The following MYO9A variants were observed in gnomAD, a reference collection of about 807,000 sequenced individuals.
MYO9A encodes the protein unconventional myosin-IXa.
A neutral mutation model predicts 293.3 loss-of-function variants in MYO9A; 103 were observed. The observed-to-expected ratio is 0.35, with a 90% CI of 0.30 to 0.41. The LOEUF (loss-of-function observed/expected upper bound fraction) is 0.41. MYO9A is among the 10% of genes least tolerant of loss of function. The probability of loss-of-function intolerance (pLI) is 1.00; values close to 1 mark genes in which losing one functional copy is unlikely to be tolerated. For synonymous variants in MYO9A, 1,001 were observed against 1,035.7 expected (o/e 0.97, Z 0.64); for missense variants, 2,685 against 3,033.0 (o/e 0.89, Z 2.69).
intron 29 of MYO9A, 56 bp downstream of exon 29, chr15:71,880,279 A>G: frequency 7.1e-7 from 1 of 1,411,460 alleles, no homozygotes. Flanking sequence ...CCTGATATAC[A>G]CAAGTATTCC....
chr15:72,068,569 C>G (rs936077682), intron 1 of MYO9A, among the ~76,000 whole-genome samples: 4 of 151,834 alleles, frequency 2.6e-5, no homozygotes, highest in Non-Finnish European at 5.9e-5. Context: ...TGGCTCAAGC[C>G]ATCCTCCCAC....
In MYO9A at chr15:71,898,550, G is replaced by A. The variant is rs1201841255; in HGVS notation, c.3953C>T (p.Pro1318Leu). 1.2e-6 allele frequency: 2 copies of A among 1,613,838 alleles called. No individual in the cohort carries two copies. The highest frequency in any genetic ancestry group is 2.7e-5 in the African/African-American group (2 of 74,896). Residue 1318 changes from proline (P) to leucine (L), a missense_variant, in exon 25 of 42, where the codon CCA (proline) becomes CTA (leucine). Coordinates refer to ENST00000356056, the MANE Select transcript of MYO9A (RefSeq NM_006901.4). ...GCTCTCACTATCAGGTGTACCCCGTGGAGACTGAAGGCCTTCAGGCACCAA... is the reference window on the plus strand; with the variant it reads ...GCTCTCACTATCAGGTGTACCCCGTAGAGACTGAAGGCCTTCAGGCACCAA... ...TELVPEGLQS[P>L]RGTPDSESSQ...
At chr15:71,833,908 A>T (rs1368212621) in intron 39 of MYO9A, among the ~76,000 whole-genome samples, 1 of 151,896 alleles carries the variant, frequency 6.6e-6, no homozygotes, top group Non-Finnish European at 1.5e-5. Flanking sequence ...CATACATTAG[A>T]AAAGAATTAA....
intron 9 of MYO9A, among the ~76,000 whole-genome samples, 175 bp from the exon 10 acceptor site, chr15:71,994,760 T>C (rs1354980140): frequency 6.6e-6 from 1 of 152,244 alleles, no homozygotes; most frequent in African/African-American, 2.4e-5. Flanking sequence ...TTTTGAGAGT[T>C]TGGCTCTCAT....
At chr15:71,866,621 G>A (rs955381195) in intron 32 of MYO9A, among the ~76,000 whole-genome samples, 1 of 151,860 alleles carries the variant, frequency 6.6e-6, no homozygotes, top group African/African-American at 2.4e-5. Flanking sequence ...AAATAATAAA[G>A]ATGTCAGTTC....
At chr15:71,901,648 C>A (rs2057487891) in intron 22 of MYO9A, among the ~76,000 whole-genome samples, 1 of 149,966 alleles carries the variant, frequency 6.7e-6, no homozygotes, top group Non-Finnish European at 1.5e-5. Flanking sequence ...AATAGAGAGA[C>A]CTGGTCTCCA....
chr15:71,942,486 T>C (rs2058803886), intron 15 of MYO9A, among the ~76,000 whole-genome samples: 1 of 152,082 alleles, frequency 6.6e-6, no homozygotes, highest in South Asian at 2.1e-4. Flanking sequence ...CTGCTATAAT[T>C]GATACATCTG....
chr15:71,951,187 C>A (rs2059042221), intron 15 of MYO9A, among the ~76,000 whole-genome samples: 1 of 152,282 alleles, frequency 6.6e-6, no homozygotes, highest in South Asian at 2.1e-4. Flanking sequence ...GCACTGCAAT[C>A]AAACTAAGTG....
intron 14 of MYO9A, among the ~76,000 whole-genome samples, chr15:71,952,195 T>C (rs1313636920): frequency 6.6e-6 from 1 of 152,124 alleles, no homozygotes; most frequent in African/African-American, 2.4e-5. Context: ...CAAAAGCAAT[T>C]TGTATGATTT....
Position 71,968,075 on chromosome 15 carries a change from T to C in MYO9A, c.1895A>G (p.His632Arg), listed in dbSNP as rs552840125. Residue 632 changes from histidine to arginine, a missense_variant, in exon 13 of 42, where the codon CAT becomes CGT. His to Arg is a conservative substitution (Grantham distance 29, BLOSUM62 0). Transcript: ENST00000356056. ...QTLLDKFKHQ[H>R]EDNSYIEFPA... The stretch of plus-strand genomic sequence containing the variant: ...AAATTCGATGTAAGAATTATCTTCA[T>C]GTTGATGCTTAAACTTGTCTAGCAA... 11 of 1,611,976 alleles carry C rather than the reference T, an allele frequency of 6.8e-6. No individual in the cohort carries two copies. The highest frequency in any genetic ancestry group is 1.7e-5 in the Admixed American group (1 of 59,910).
chr15:72,067,768 T>C (rs2079064969), intron 1 of MYO9A, among the ~76,000 whole-genome samples: 2 of 152,204 alleles, frequency 1.3e-5, no homozygotes, highest in African/African-American at 4.8e-5. Context: ...ATTTTCTTGA[T>C]AAAACAGTGT....
chr15:72,019,201 T>C lies in MYO9A; in HGVS notation c.1099-106A>G. On this transcript the variant is annotated intron_variant, in intron 5 of 41. Coordinates refer to ENST00000356056, the MANE Select transcript of MYO9A (RefSeq NM_006901.4). ...AGTACTGCTGCTCTCCATTGAAAAGTTATTTTGCATAGCAGCATAAAACAA... is the reference window on the plus strand; with the variant it reads ...AGTACTGCTGCTCTCCATTGAAAAGCTATTTTGCATAGCAGCATAAAACAA... The C allele has an allele frequency of 3.4e-6, 3 of 887,980 alleles. No individual in the cohort carries two copies. In the South Asian group the frequency reaches 4.2e-5, roughly 12 times the overall value. 55.0% of individuals were successfully genotyped at this position (887,980 alleles called of 1,614,324 possible). A position where few individuals can be genotyped will look rare whatever the true frequency, so the allele number is the denominator to read the frequency against.
intron 1 of MYO9A, among the ~76,000 whole-genome samples, chr15:72,092,238 T>C (rs1389739898): frequency 1.3e-5 from 2 of 152,124 alleles, no homozygotes; most frequent in Non-Finnish European, 2.9e-5. Flanking sequence ...CCCTATACCA[T>C]ATGGCTGGAA....
chr15:72,079,080 T>C (rs1046315609), intron 1 of MYO9A, among the ~76,000 whole-genome samples: 3 of 152,208 alleles, frequency 2.0e-5, no homozygotes, highest in Non-Finnish European at 4.4e-5. Flanking sequence ...CCACAGGATG[T>C]AGGACACAGA....
At chr15:71,987,059 A>G (rs925482730) in intron 11 of MYO9A, among the ~76,000 whole-genome samples, 1 of 152,172 alleles carries the variant, frequency 6.6e-6, no homozygotes, top group African/African-American at 2.4e-5. Context: ...ACATTTAGAT[A>G]CACAAATACT....
At chr15:72,011,015 T>A (rs2077156786) in intron 6 of MYO9A, among the ~76,000 whole-genome samples, 1 of 141,658 alleles carries the variant, frequency 7.1e-6, no homozygotes, top group African/African-American at 2.5e-5. Flanking sequence ...AGATATGTTA[T>A]TTTTTTTTTT....
In MYO9A at chr15:72,018,383, G is replaced by A. The variant is rs535624672; in HGVS notation, c.1155+656C>T. On this transcript the variant is annotated intron_variant, in intron 6 of 41. Transcript: ENST00000356056. ...CTTGGGAGGCTGAGGCATGAGAATC[G>A]CTAGAACCCAGGAGATGGAGGTTGC... Among the ~76,000 whole-genome samples, 130 of 152,186 alleles carry A rather than the reference G, an allele frequency of 8.5e-4. 1 individual carries two copies. The highest frequency in any genetic ancestry group is 1.9e-4 in the East Asian group (1 of 5,184).
chr15:71,947,868 C>T (rs2058957382), intron 15 of MYO9A, among the ~76,000 whole-genome samples: 1 of 152,160 alleles, frequency 6.6e-6, no homozygotes, highest in African/African-American at 2.4e-5. Flanking sequence ...CTTTTCTACC[C>T]CTGCTCTCCT....
At chr15:71,965,917 C>A (rs2075862669) in intron 13 of MYO9A, among the ~76,000 whole-genome samples, 1 of 151,658 alleles carries the variant, frequency 6.6e-6, no homozygotes, top group Admixed American at 6.6e-5. Context: ...CACTCTCTTT[C>A]TCAGGCTGGA....
Sources: gnomAD v4.1 joint callset for allele counts (sites outside exome capture counted in the v4.1 genomes callset) on GRCh38, gnomAD v4.1.1 for gene constraint, MANE v1.5 for transcripts, NCBI Gene and HGNC (gene_info 2026-07-23, HGNC 2026-07-21) for gene names.